Variants in GATAD1 observed in about 807,000 individuals in gnomAD.
The protein encoded by GATAD1 is GATA zinc finger domain containing 1.
GATAD1 carries 12 observed loss-of-function variants against 26.5 expected under a neutral mutation model. The ratio of observed to expected loss-of-function variants is 0.45; its 90% CI spans 0.29 to 0.73. The LOEUF (loss-of-function observed/expected upper bound fraction) is 0.73, where lower values mean the gene tolerates loss of function less well. Among genes scored for constraint, GATAD1 ranks in the 30% least tolerant of loss-of-function variants. The probability of loss-of-function intolerance (pLI) is 0.10; values close to 1 mark genes in which losing one functional copy is unlikely to be tolerated. For synonymous variants in GATAD1, 129 were observed against 133.1 expected, an observed-to-expected ratio of 0.97 and a Z score of 0.21; for missense variants, 266 against 342.1, an observed-to-expected ratio of 0.78 and a Z score of 1.75.
chr7:92,482,354 G>A, the GATAD1 span, among the ~76,000 whole-genome samples: 2 of 152,168 alleles, frequency 1.3e-5, no homozygotes, highest in African/African-American at 2.4e-5. Context: ...GGGTGGATAG[G>A]CAAAACAATT....
At chr7:92,490,596 C>T in the GATAD1 span, among the ~76,000 whole-genome samples, 2 of 133,032 alleles carry the variant, frequency 1.5e-5, no homozygotes, top group East Asian at 4.5e-4. Context: ...AATTGTGCCA[C>T]TGCACTCTAG....
rs139637606 is a variant in GATAD1 at position 92,456,514 on chromosome 7, G to A, written c.762G>A (p.Gly254=). 2.4e-3 allele frequency: 3,836 copies of A among 1,612,746 alleles called. 10 individuals carry two copies. The highest frequency in any genetic ancestry group is 4.3e-3 in the South Asian group (392 of 90,834). Residue 254 remains glycine (G), a synonymous_variant, in exon 5 of 5, where the codon GGG becomes GGA. Transcript: ENST00000287957. The part of the protein sequence containing the change: ...PEKGYIWTHV[G]PTPAITIKES... ...AGGGCTACATATGGACTCATGTTGG[G>A]CCTACTCCTGCAATAACAATTAAGG...
chr7:92,487,565 A>G, the GATAD1 span: 1 of 1,047,844 alleles, frequency 9.5e-7, no homozygotes, highest in Non-Finnish European at 1.5e-6. Flanking sequence ...GAGATAATTT[A>G]ATATGTATAA....
the GATAD1 span, chr7:92,491,259 C>T: frequency 6.6e-6 from 10 of 1,522,008 alleles, no homozygotes; most frequent in Admixed American, 1.0e-4. Flanking sequence ...ATAATGATGA[C>T]TGCACAAGAT....
chr7:92,494,653 A>G, the GATAD1 span: 6 of 1,612,234 alleles, frequency 3.7e-6, no homozygotes, highest in Non-Finnish European at 5.1e-6. Context: ...ACAACATTTC[A>G]TATTTGAATC....
At chr7:92,463,920 AT>A (rs1790013823), downstream of GATAD1, among the ~76,000 whole-genome samples, 1 of 152,048 alleles carries the variant, frequency 6.6e-6, no homozygotes, top group Admixed American at 6.6e-5. Flanking sequence ...GTGAGTTGAG[AT>A]TGCGCCACTG....
chr7:92,456,007 T>C (rs1467526104), intron 4 of GATAD1, among the ~76,000 whole-genome samples: 2 of 152,214 alleles, frequency 1.3e-5, no homozygotes, highest in Non-Finnish European at 2.9e-5. Context: ...CATGTGACTT[T>C]GGCAAGTTTC....
chr7:92,478,482 G>T, the GATAD1 span, among the ~76,000 whole-genome samples: 1 of 152,198 alleles, frequency 6.6e-6, no homozygotes, highest in Non-Finnish European at 1.5e-5. Context: ...GGGGATAAGT[G>T]GCTCGTGGGG....
At chr7:92,477,122 G>C in the GATAD1 span, among the ~76,000 whole-genome samples, 1 of 152,150 alleles carries the variant, frequency 6.6e-6, no homozygotes, top group Non-Finnish European at 1.5e-5. Flanking sequence ...AGTTCAGGAC[G>C]ACAGCTTTCT....
rs1461956278 is a variant in GATAD1 at position 92,447,722 on chromosome 7, C to T, written c.-8C>T. ...CTGCGCCCGCGGGGGCCGCCCGAGC[C>T]GGCCACCATGCCGCTGGGCCTGAAG... On this transcript the variant is annotated 5_prime_UTR_variant, in exon 1 of 5. Transcript: ENST00000287957. 2.7e-6 allele frequency: 4 copies of T among 1,462,294 alleles called. No homozygotes were observed. Among genetic ancestry groups the T allele is most frequent in the African/African-American group, 1.5e-5 (1 of 67,040 alleles). The allele number at this position is 1,462,294 out of a possible 1,614,324, so 90.6% of individuals were successfully genotyped here.
chr7:92,470,437 A>C, the GATAD1 span: 1 of 633,248 alleles, frequency 1.6e-6, no homozygotes, highest in Non-Finnish European at 2.9e-6. Context: ...GAGCAGGCGC[A>C]AATCCTCTAG....
chr7:92,491,556 GAAAT>G, the GATAD1 span: 4 of 1,047,452 alleles, frequency 3.8e-6, no homozygotes, highest in Admixed American at 5.1e-5. Context: ...TTTAGTCTCA[GAAAT>G]AAATAATAAC....
the GATAD1 span, chr7:92,491,591 G>A: frequency 1.3e-6 from 1 of 790,372 alleles, no homozygotes; most frequent in South Asian, 1.5e-5. Flanking sequence ...TTCTATTAGA[G>A]CAATACAAGA....
Position 92,459,805 on chromosome 7 carries a change from C to T in GATAD1, c.*3243C>T, listed in dbSNP as rs375971710. 1.3e-5 allele frequency among the ~76,000 whole-genome samples: 2 copies of T among 152,138 alleles called. No homozygotes were observed. The highest frequency in any genetic ancestry group is 2.1e-4 in the South Asian group (1 of 4,826). ...TTGTAACTTCCACATAACCTAACCC[C>T]GGTTCTTGCTTATGGGAGATGCTGA... On this transcript the variant is annotated 3_prime_UTR_variant, in exon 5 of 5. Coordinates refer to ENST00000287957, the MANE Select transcript of GATAD1 (RefSeq NM_021167.5).
chr7:92,487,339 T>TA, the GATAD1 span: 1 of 626,246 alleles, frequency 1.6e-6, no homozygotes, highest in Non-Finnish European at 2.8e-6. Context: ...TGTGATTTTA[T>TA]AAATTAACCA....
At chr7:92,450,793 T>G in intron 3 of GATAD1, 33 bp downstream of exon 3, 1 of 1,302,944 alleles carries the variant, frequency 7.7e-7, no homozygotes. Context: ...AAGGAAGAGT[T>G]GGGCCTAGTG....
At chr7:92,450,599 C>T in intron 2 of GATAD1, 102 bp from the exon 3 acceptor site, 1 of 679,726 alleles carries the variant, frequency 1.5e-6, no homozygotes, top group Non-Finnish European at 2.6e-6. Flanking sequence ...CCAAACAATA[C>T]ATTTTAGTAC....
chr7:92,494,367 G>A, the GATAD1 span: 2 of 1,613,904 alleles, frequency 1.2e-6, no homozygotes, highest in Non-Finnish European at 1.7e-6. Context: ...ATCAAGTCAG[G>A]GCGACTAGTA....
the GATAD1 span, chr7:92,469,534 G>A: frequency 1.3e-6 from 1 of 767,218 alleles, no homozygotes; most frequent in Non-Finnish European, 2.4e-6. Context: ...AGATTCTGAA[G>A]AGCCATTCAA....
Sources: allele counts gnomAD v4.1 joint callset (sites outside exome capture counted in the v4.1 genomes callset), GRCh38; gene constraint gnomAD v4.1.1; transcripts MANE v1.5; gene names NCBI Gene and HGNC (gene_info 2026-07-23, HGNC 2026-07-21).